ATXN8OS: variants seen among roughly 807,000 people sequenced by gnomAD.
ATXN8OS encodes the protein ATXN8 opposite strand (non-protein coding).
chr13:70,134,439 G>A lies in ATXN8OS; in HGVS notation n.499+4555G>A, dbSNP rs116133222. Among the ~76,000 whole-genome samples the A allele has an allele frequency of 6.9e-3, 1,043 of 152,236 alleles. 13 individuals carry two copies. The highest frequency in any genetic ancestry group is 0.019 in the African/African-American group (800 of 41,528). ...TGCACAGGCAGGTACAGAATTGGGC[G>A]CATGTCTCATGGTGGCCAGCAGCTT... On this transcript the variant is annotated intron_variant and non_coding_transcript_variant, in intron 3 of 4. Transcript: ENST00000678624.
At chr13:70,149,442 T>C (rs1052113844) in intron 4 of ATXN8OS, among the ~76,000 whole-genome samples, 1 of 152,126 alleles carries the variant, frequency 6.6e-6, no homozygotes, top group Non-Finnish European at 1.5e-5. Context: ...AAGTTGCATT[T>C]AGTGAGGTGT....
At chr13:70,170,566 T>C (rs1294041179) in exon 5 of ATXN8OS, among the ~76,000 whole-genome samples, 1 of 152,136 alleles carries the variant, frequency 6.6e-6, no homozygotes, top group Non-Finnish European at 1.5e-5. Context: ...TTGGAAACTT[T>C]AGACAACCTA....
exon 5 of ATXN8OS, among the ~76,000 whole-genome samples, chr13:70,170,939 T>C (rs963389083): frequency 6.6e-6 from 1 of 152,128 alleles, no homozygotes; most frequent in Non-Finnish European, 1.5e-5. Flanking sequence ...TGACTGTATG[T>C]GTATCTAAAC....
chr13:70,127,458 C>A (rs997936537), intron 2 of ATXN8OS, among the ~76,000 whole-genome samples: 1 of 151,740 alleles, frequency 6.6e-6, no homozygotes, highest in Non-Finnish European at 1.5e-5. Flanking sequence ...ACTTAGTGTT[C>A]TAAAAATAAA....
chr13:70,131,490 A>C, intron 3 of ATXN8OS: 1 of 398,470 alleles, frequency 2.5e-6, no homozygotes. Flanking sequence ...GTCTCATTTT[A>C]CATATTTTTT....
At chr13:70,166,133 A>G (rs144329589) in intron 4 of ATXN8OS, among the ~76,000 whole-genome samples, 2,365 of 152,120 alleles carry the variant, frequency 0.016, 48 homozygotes, top group Non-Finnish European at 0.026. Flanking sequence ...GATGCTGACT[A>G]TTGTCAACCA....
intron 4 of ATXN8OS, among the ~76,000 whole-genome samples, chr13:70,160,249 G>T (rs1010319555): frequency 2.6e-5 from 4 of 151,942 alleles, no homozygotes; most frequent in African/African-American, 9.7e-5. Flanking sequence ...ATTATAATAG[G>T]TATGTATTTG....
chr13:70,139,410 GC>G, intron 3 of ATXN8OS: 1 of 721,946 alleles, frequency 1.4e-6, no homozygotes. Flanking sequence ...TGCTGCTGCT[GC>G]TGCTGCTGCT....
chr13:70,135,725 G>T (rs556543150), intron 3 of ATXN8OS, among the ~76,000 whole-genome samples: 3 of 152,094 alleles, frequency 2.0e-5, no homozygotes, highest in African/African-American at 7.2e-5. Flanking sequence ...AATTATCTTG[G>T]TGACACTCAT....
chr13:70,118,429 A>T (rs1888311966), intron 2 of ATXN8OS, among the ~76,000 whole-genome samples: 1 of 152,082 alleles, frequency 6.6e-6, no homozygotes, highest in African/African-American at 2.4e-5. Context: ...TACCAGATAT[A>T]ATGCATTATA....
At chr13:70,126,895 A>C (rs1461993974) in intron 2 of ATXN8OS, among the ~76,000 whole-genome samples, 2 of 151,762 alleles carry the variant, frequency 1.3e-5, no homozygotes, top group Non-Finnish European at 2.9e-5. Context: ...TTCTATAGAT[A>C]ACTCTGTATC....
exon 5 of ATXN8OS, among the ~76,000 whole-genome samples, chr13:70,170,424 T>G (rs907940840): frequency 6.6e-6 from 1 of 152,140 alleles, no homozygotes; most frequent in African/African-American, 2.4e-5. Context: ...GAATTAAGAA[T>G]TTCGCCACTG....
chr13:70,146,667 A>G (rs1888790368), intron 3 of ATXN8OS, among the ~76,000 whole-genome samples: 1 of 151,850 alleles, frequency 6.6e-6, no homozygotes, highest in Admixed American at 6.6e-5. Flanking sequence ...CACAAGGACA[A>G]AAAACCAAAC....
At chr13:70,138,661 T>C (rs1175257267) in intron 3 of ATXN8OS, among the ~76,000 whole-genome samples, 4 of 152,144 alleles carry the variant, frequency 2.6e-5, no homozygotes, top group African/African-American at 9.6e-5. Flanking sequence ...ACTAATATAG[T>C]ATGCATTCCA....
intron 1 of ATXN8OS, chr13:70,108,424 C>T (rs1296587047): frequency 6.5e-6 from 1 of 154,714 alleles, no homozygotes; most frequent in Non-Finnish European, 1.4e-5. Flanking sequence ...AAAAGCCCGC[C>T]TGTGAAGCTG....
At chr13:70,132,393 C>T (rs1388512112) in intron 3 of ATXN8OS, among the ~76,000 whole-genome samples, 3 of 149,506 alleles carry the variant, frequency 2.0e-5, no homozygotes, top group Non-Finnish European at 4.4e-5. Flanking sequence ...AAACCAAATA[C>T]TGCTTATAAG....
intron 3 of ATXN8OS, among the ~76,000 whole-genome samples, chr13:70,138,175 C>T (rs767602951): frequency 6.6e-6 from 1 of 152,144 alleles, no homozygotes; most frequent in Non-Finnish European, 1.5e-5. Flanking sequence ...CAATGTTTCC[C>T]CCTGTTGTGC....
intron 4 of ATXN8OS, among the ~76,000 whole-genome samples, chr13:70,149,800 T>A (rs1237160536): frequency 1.3e-5 from 2 of 152,034 alleles, no homozygotes; most frequent in African/African-American, 2.4e-5. Flanking sequence ...GCCATTCCAA[T>A]TAAAACAACC....
chr13:70,146,902 C>A (rs1018792170), intron 3 of ATXN8OS, among the ~76,000 whole-genome samples: 3 of 152,014 alleles, frequency 2.0e-5, no homozygotes, highest in African/African-American at 7.3e-5. Flanking sequence ...TACCCTAAAA[C>A]TTAAAGTATA....
Sources: allele counts gnomAD v4.1 joint callset (sites outside exome capture counted in the v4.1 genomes callset), GRCh38; gene constraint gnomAD v4.1.1; transcripts MANE v1.5; gene names NCBI Gene and HGNC (gene_info 2026-07-23, HGNC 2026-07-21).